Variants in SEMA5A observed in about 807,000 individuals in gnomAD.
The protein encoded by SEMA5A is semaphorin-5A.
In SEMA5A, 55 loss-of-function variants were observed where a neutral mutation model predicts 135.5. The observed-to-expected ratio is 0.41, with a 90% confidence interval of 0.33 to 0.51. SEMA5A has a LOEUF of 0.51. Ranked by LOEUF, SEMA5A falls within the 20% of genes least tolerant of loss-of-function variation. The pLI is 0.37. For synonymous variants in SEMA5A, 580 were observed against 546.5 expected (o/e 1.06, Z -0.85); for missense variants, 1,290 against 1,419.9 (o/e 0.91, Z 1.47).
rs1326657757 is a variant in SEMA5A at position 9,037,846 on chromosome 5, GGCAGAATA to G, written c.*5043_*5050del. ...CCATTATAATTAATGACCTCAATAG[GGCAGAATA>G]GCAGAAATAAATTTCACGATGATCC... On this transcript the variant is annotated 3_prime_UTR_variant, in exon 23 of 23. Coordinates refer to ENST00000382496, the MANE Select transcript of SEMA5A (RefSeq NM_003966.3). 6.6e-6 allele frequency: 1 copy of G among 152,018 alleles called. No individual in the cohort carries two copies. Among genetic ancestry groups the G allele is most frequent in the African/African-American group, 2.4e-5 (1 of 41,376 alleles). 9.4% of individuals were successfully genotyped at this position (152,018 alleles called of 1,614,324 possible).
intron 1 of SEMA5A, among the ~76,000 whole-genome samples, chr5:9,441,690 G>A (rs1758241788): frequency 6.6e-6 from 1 of 152,208 alleles, no homozygotes; most frequent in South Asian, 2.1e-4. Flanking sequence ...GATTCCAGGT[G>A]GCAGGCCAAG....
At position 9,352,097 on chromosome 5, in the gene SEMA5A, G is replaced by GGGA. The variant is rs1042442472; in HGVS notation, c.125-14286_125-14285insTCC. On this transcript the variant is annotated intron_variant, in intron 3 of 22. Transcript: ENST00000382496. ...AATTCTAATGAATGTAACAGGTCGG[G>GGGA]GGGGTTACTTAAGAGTAGGGTATAA... Among the ~76,000 whole-genome samples, 3 of 149,056 alleles carry GGGA rather than the reference G, an allele frequency of 2.0e-5. No individual in the cohort carries two copies. The East Asian group carries it at 6.0e-4, about 30-fold the overall frequency.
At chr5:9,133,126 G>T (rs533095291) in intron 13 of SEMA5A, among the ~76,000 whole-genome samples, 1 of 152,264 alleles carries the variant, frequency 6.6e-6, no homozygotes, top group African/African-American at 2.4e-5. Context: ...ATATATGATA[G>T]ATTTGCCCAA....
intron 1 of SEMA5A, among the ~76,000 whole-genome samples, chr5:9,534,943 G>C (rs1737674162): frequency 6.6e-6 from 1 of 152,156 alleles, no homozygotes; most frequent in South Asian, 2.1e-4. Flanking sequence ...CCTGACTCTT[G>C]TCCTGACTTG....
chr5:9,441,424 G>A (rs1561255617), intron 1 of SEMA5A, among the ~76,000 whole-genome samples: 1 of 152,106 alleles, frequency 6.6e-6, no homozygotes. Flanking sequence ...TCAGGTATAA[G>A]AGAAGAGCCA....
intron 1 of SEMA5A, among the ~76,000 whole-genome samples, chr5:9,473,709 TG>T (rs572318906): frequency 7.6e-4 from 116 of 152,128 alleles, no homozygotes; most frequent in Non-Finnish European, 1.4e-3. Context: ...GTGGTGTGCA[TG>T]GCCATGGGTG....
At position 9,453,453 on chromosome 5, in the gene SEMA5A, G is replaced by A. The variant is rs114536962; in HGVS notation, c.-174-15601C>T. Among the ~76,000 whole-genome samples, 866 of 152,244 alleles carry A rather than the reference G, an allele frequency of 5.7e-3. 6 individuals are homozygous for A. The highest frequency in any genetic ancestry group is 0.02 in the African/African-American group (830 of 41,564). On this transcript the variant is annotated intron_variant, in intron 1 of 22. Transcript: ENST00000382496. ...ATTTGTCTGTTTAAAATGGCCCCAA[G>A]CATAGGGCTGCAGAACTGGCTGGTA...
intron 5 of SEMA5A, among the ~76,000 whole-genome samples, chr5:9,280,026 C>A (rs1473504733): frequency 6.6e-6 from 1 of 152,050 alleles, no homozygotes; most frequent in Non-Finnish European, 1.5e-5. Flanking sequence ...GTGACTGAAC[C>A]CTGATGCAGA....
chr5:9,103,327 T>C (rs1739729104), intron 16 of SEMA5A, among the ~76,000 whole-genome samples: 1 of 152,216 alleles, frequency 6.6e-6, no homozygotes, highest in Admixed American at 6.5e-5. Context: ...TTTTCATGTG[T>C]CACAACCTAT....
At chr5:9,164,031 TATATA>T (rs1039677266) in intron 11 of SEMA5A, among the ~76,000 whole-genome samples, 70 of 143,170 alleles carry the variant, frequency 4.9e-4, no homozygotes, top group African/African-American at 1.2e-3. Flanking sequence ...TATAAATATT[TATATA>T]ATATAATATA....
intron 5 of SEMA5A, among the ~76,000 whole-genome samples, chr5:9,291,761 C>CT (rs57416491): frequency 0.17 from 21,718 of 128,118 alleles, 1,845 homozygotes; most frequent in East Asian, 0.26. Context: ...CAGCCAAGTT[C>CT]TTTTTTTTTT....
In SEMA5A at chr5:9,305,694, C is replaced by G. The variant is rs1208152944; in HGVS notation, c.270+12678G>C. Among the ~76,000 whole-genome samples, 6 of 104,652 alleles carry G rather than the reference C, an allele frequency of 5.7e-5. No individual in the cohort carries two copies. The Admixed American group carries it at 6.8e-4, about 12-fold the overall frequency. The allele number at this position is 104,652 out of a possible 152,430, so 68.7% of individuals were successfully genotyped here. A position where few individuals can be genotyped will look rare whatever the true frequency, so the allele number is the denominator to read the frequency against. ...AGGATCTCAATATACAGTATATATA[C>G]TGTGTGTGTGTGCGTATATATATAT... On this transcript the variant is annotated intron_variant, in intron 5 of 22. Coordinates refer to ENST00000382496, the MANE Select transcript of SEMA5A (RefSeq NM_003966.3).
chr5:9,141,354 A>C (rs1579468797), intron 12 of SEMA5A, among the ~76,000 whole-genome samples: 1 of 152,172 alleles, frequency 6.6e-6, no homozygotes, highest in African/African-American at 2.4e-5. Context: ...TTTTAGCTTG[A>C]TTTAATTATT....
intron 1 of SEMA5A, among the ~76,000 whole-genome samples, chr5:9,473,505 G>T (rs1759557173): frequency 6.6e-6 from 1 of 151,606 alleles, no homozygotes; most frequent in South Asian, 2.1e-4. Context: ...CAAGACGAAG[G>T]CAGAGAGCAG....
intron 3 of SEMA5A, among the ~76,000 whole-genome samples, chr5:9,353,984 A>G (rs537115827): frequency 5.3e-5 from 8 of 152,014 alleles, no homozygotes; most frequent in African/African-American, 9.6e-5. Context: ...AAAAAAAAAA[A>G]AAAAGAAACA....
chr5:9,141,706 A>T (rs1034831374), intron 12 of SEMA5A, among the ~76,000 whole-genome samples: 1 of 152,188 alleles, frequency 6.6e-6, no homozygotes, highest in South Asian at 2.1e-4. Context: ...GTATTTCTTT[A>T]CATTTTAAAA....
At chr5:9,507,726 C>T (rs565796073) in intron 1 of SEMA5A, among the ~76,000 whole-genome samples, 28 of 152,230 alleles carry the variant, frequency 1.8e-4, no homozygotes, top group African/African-American at 4.8e-4. Context: ...ACTTCAGGGA[C>T]GGGTGCGGTG....
chr5:9,479,937 T>A (rs1467436681), intron 1 of SEMA5A, among the ~76,000 whole-genome samples: 5 of 152,198 alleles, frequency 3.3e-5, no homozygotes, highest in African/African-American at 1.2e-4. Context: ...ACAAAATACT[T>A]CTTGAAAGAA....
intron 16 of SEMA5A, among the ~76,000 whole-genome samples, chr5:9,070,150 C>A (rs908348475): frequency 6.6e-6 from 1 of 152,180 alleles, no homozygotes; most frequent in Non-Finnish European, 1.5e-5. Flanking sequence ...GTGGGCGGAT[C>A]ACCTGAGGTC....
Sources: allele counts gnomAD v4.1 joint callset (sites outside exome capture counted in the v4.1 genomes callset), GRCh38; gene constraint gnomAD v4.1.1; transcripts MANE v1.5; gene names NCBI Gene and HGNC (gene_info 2026-07-23, HGNC 2026-07-21).